Variants in FMN2 observed in about 807,000 individuals in gnomAD.
The protein encoded by FMN2 is formin-2.
In FMN2, 51 loss-of-function variants were observed where a neutral mutation model predicts 142.3. The ratio of observed to expected loss-of-function variants is 0.36; its 90% CI spans 0.29 to 0.45. The LOEUF (loss-of-function observed/expected upper bound fraction) is 0.45. Among genes scored for constraint, FMN2 ranks in the 20% least tolerant of loss-of-function variants. The pLI is 1.00. For missense variants in FMN2, 1,936 were observed against 2,122.8 expected (o/e 0.91, Z 1.73); for synonymous variants, 882 against 869.8 (o/e 1.01, Z -0.25).
At chr1:240,412,573 A>G (rs536455820) in intron 15 of FMN2, among the ~76,000 whole-genome samples, 16 of 152,160 alleles carry the variant, frequency 1.1e-4, no homozygotes, top group Non-Finnish European at 1.5e-4. Flanking sequence ...CAAGAAAATG[A>G]TGATGTAGCT....
chr1:240,207,049 C>G lies in FMN2; in HGVS notation c.2237C>G (p.Thr746Ser). Residue 746 changes from threonine (T) to serine (S), a missense_variant, in exon 5 of 18, where the codon ACT (threonine) becomes AGT (serine). Thr to Ser is a moderately conservative substitution (Grantham distance 58, BLOSUM62 1). Around this residue, in one of 8 missense-constraint regions of FMN2, gnomAD observed 478 missense variants for 462.8 expected, o/e 1.03. Transcript: ENST00000319653. ...HRILEAKSIQ[T>S]SPTEEGGVLT... The stretch of plus-strand genomic sequence containing the variant: ...ATTTTAGAGGCGAAATCGATACAGA[C>G]TTCCCCCACGGAAGAGGGCGGGGTG... 1.2e-6 allele frequency: 2 copies of G among 1,614,166 alleles called. No individual in the cohort carries two copies. The highest frequency in any genetic ancestry group is 1.7e-6 in the Non-Finnish European group (2 of 1,180,004).
chr1:240,152,464 A>T (rs927736519), intron 2 of FMN2, among the ~76,000 whole-genome samples: 7 of 152,060 alleles, frequency 4.6e-5, no homozygotes, highest in Non-Finnish European at 1.0e-4. Context: ...ATGTGTGTGT[A>T]TGTGGGGGTG....
At chr1:240,236,645 G>A (rs1667722510) in intron 6 of FMN2, among the ~76,000 whole-genome samples, 1 of 152,214 alleles carries the variant, frequency 6.6e-6, no homozygotes, top group Non-Finnish European at 1.5e-5. Context: ...GTCACATGGT[G>A]AGAGAGGAAG....
intron 13 of FMN2, among the ~76,000 whole-genome samples, chr1:240,350,298 G>A (rs966811329): frequency 9.2e-5 from 14 of 152,196 alleles, no homozygotes; most frequent in Non-Finnish European, 2.9e-5. Flanking sequence ...AAATTTGGAT[G>A]TGAGTTTTGG....
chr1:240,379,820 T>C (rs1393581821), intron 14 of FMN2, among the ~76,000 whole-genome samples: 2 of 152,150 alleles, frequency 1.3e-5, no homozygotes, highest in African/African-American at 4.8e-5. Flanking sequence ...CGTTGGTTTC[T>C]TGAAATGATA....
intron 6 of FMN2, among the ~76,000 whole-genome samples, chr1:240,241,782 G>A (rs1439417100): frequency 7.0e-6 from 1 of 143,252 alleles, no homozygotes; most frequent in Non-Finnish European, 1.5e-5. Context: ...GGCTAATCTT[G>A]TAGGCTAGGT....
intron 2 of FMN2, among the ~76,000 whole-genome samples, chr1:240,131,936 A>G (rs997458178): frequency 6.6e-6 from 1 of 152,186 alleles, no homozygotes; most frequent in African/African-American, 2.4e-5. Flanking sequence ...GGCAGATTGG[A>G]GAATGGATTG....
intron 8 of FMN2, among the ~76,000 whole-genome samples, chr1:240,326,737 G>A (rs757860467): frequency 2.6e-5 from 4 of 151,396 alleles, no homozygotes; most frequent in Non-Finnish European, 4.4e-5. Flanking sequence ...ATGAGGTTTT[G>A]GGTATAGAAA....
intron 2 of FMN2, chr1:240,143,441 C>T (rs746969092): frequency 1.1e-5 from 16 of 1,447,664 alleles, no homozygotes; most frequent in Non-Finnish European, 1.5e-5. Flanking sequence ...CCCTGATGTG[C>T]TCCCATGTCA....
At chr1:240,255,035 T>C (rs1572121396) in intron 6 of FMN2, among the ~76,000 whole-genome samples, 1 of 151,884 alleles carries the variant, frequency 6.6e-6, no homozygotes, top group African/African-American at 2.4e-5. Context: ...GGCCGCGGGG[T>C]TCTCCCATGG....
At chr1:240,283,480 G>A (rs1353322539) in intron 7 of FMN2, among the ~76,000 whole-genome samples, 1 of 152,184 alleles carries the variant, frequency 6.6e-6, no homozygotes, top group Non-Finnish European at 1.5e-5. Flanking sequence ...TGTGTGAGTG[G>A]TGGCATCCTT....
At chr1:240,250,638 T>G (rs571409479) in intron 6 of FMN2, among the ~76,000 whole-genome samples, 12 of 152,120 alleles carry the variant, frequency 7.9e-5, no homozygotes, top group South Asian at 4.2e-4. Flanking sequence ...CTATTTTTTT[T>G]GGGGGGTGGG....
At chr1:240,321,624 C>T (rs1203808337) in intron 8 of FMN2, among the ~76,000 whole-genome samples, 2 of 152,260 alleles carry the variant, frequency 1.3e-5, no homozygotes, top group Middle Eastern at 3.4e-3. Flanking sequence ...CTACACTTAT[C>T]TGAAAAAGCT....
chr1:240,387,054 A>T (rs1673429856), intron 14 of FMN2, among the ~76,000 whole-genome samples: 1 of 152,230 alleles, frequency 6.6e-6, no homozygotes, highest in Admixed American at 6.5e-5. Flanking sequence ...GCAGCAATTG[A>T]TCAACTTCCC....
At chr1:240,367,620 A>T (rs969859368) in intron 14 of FMN2, among the ~76,000 whole-genome samples, 112 of 151,870 alleles carry the variant, frequency 7.4e-4, no homozygotes, top group African/African-American at 2.3e-3. Context: ...TATAAAAAAT[A>T]AGCCGGGAGT....
intron 15 of FMN2, among the ~76,000 whole-genome samples, chr1:240,395,255 T>A (rs1300306575): frequency 6.6e-6 from 1 of 152,184 alleles, no homozygotes; most frequent in Non-Finnish European, 1.5e-5. Context: ...CTTCAAAATA[T>A]CACATCTCAT....
At chr1:240,294,169 A>G (rs1193196329) in intron 7 of FMN2, among the ~76,000 whole-genome samples, 1 of 152,194 alleles carries the variant, frequency 6.6e-6, no homozygotes, top group Non-Finnish European at 1.5e-5. Flanking sequence ...CCAAAATACA[A>G]TACAAATTTC....
At chr1:240,358,650 G>A (rs1379159073) in intron 14 of FMN2, among the ~76,000 whole-genome samples, 1 of 152,086 alleles carries the variant, frequency 6.6e-6, no homozygotes, top group Non-Finnish European at 1.5e-5. Context: ...TGAGGGAAGG[G>A]GGAAGAGCCC....
intron 7 of FMN2, among the ~76,000 whole-genome samples, chr1:240,286,629 T>C (rs896625653): frequency 6.6e-6 from 1 of 152,194 alleles, no homozygotes; most frequent in Non-Finnish European, 1.5e-5. Flanking sequence ...TTTACTTTTT[T>C]AAATATGTTT....
Sources: gnomAD v4.1 joint callset for allele counts (sites outside exome capture counted in the v4.1 genomes callset) on GRCh38, gnomAD v4.1.1 for gene constraint, gnomAD v4.1.1 regional missense constraint, MANE v1.5 for transcripts, NCBI Gene and HGNC (gene_info 2026-07-23, HGNC 2026-07-21) for gene names.